The following DPYSL5 variants were observed in gnomAD, a reference collection of about 807,000 sequenced individuals.
DPYSL5 encodes the protein dihydropyrimidinase like 5.
Under a neutral mutation model 58.4 loss-of-function variants are expected in DPYSL5, and 9 were observed. The observed-to-expected ratio is 0.15, with a 90% CI of 0.09 to 0.27. The LOEUF is 0.27. Ranked by LOEUF, DPYSL5 falls within the 10% of genes least tolerant of loss-of-function variation. DPYSL5 has a pLI of 1.00. For synonymous variants in DPYSL5, 293 were observed against 301.9 expected, an observed-to-expected ratio of 0.97 and a Z score of 0.31; for missense variants, 499 against 770.6, an observed-to-expected ratio of 0.65 and a Z score of 4.17.
At position 26,940,939 on chromosome 2, in the gene DPYSL5, T is replaced by TA. The variant is rs1287242688; in HGVS notation, c.1089+767_1089+768insA. Among the ~76,000 whole-genome samples the TA allele has an allele frequency of 5.1e-3, 143 of 28,048 alleles. 2 individuals carry two copies. Among genetic ancestry groups the TA allele is most frequent in the South Asian group, 0.026 (17 of 658 alleles). The allele number at this position is 28,048 out of a possible 152,430, so 18.4% of individuals were successfully genotyped here. A position where few individuals can be genotyped will look rare whatever the true frequency, so the allele number is the denominator to read the frequency against. ...TGATTATTATTATTATTATTATTAT[T>TA]TATTTTTTTTTGTGTGTGATAGAAT... On this transcript the variant is annotated intron_variant, in intron 9 of 12. Transcript: ENST00000288699.
In DPYSL5 at chr2:26,944,928, C is replaced by T; in HGVS notation, c.1609+104C>T. On this transcript the variant is annotated intron_variant, in intron 12 of 12. Coordinates refer to ENST00000288699, the MANE Select transcript of DPYSL5 (RefSeq NM_020134.4). The surrounding 1 kb of genome is among the most constrained non-coding windows in gnomAD (Gnocchi z 4.4). Reference sequence around the variant, plus strand: ...TTTTCTTTTGTGTCCTCTCCTCCCTCCCGTTGCCTATTTCCAGGGATGAGT... The same window carrying T: ...TTTTCTTTTGTGTCCTCTCCTCCCTTCCGTTGCCTATTTCCAGGGATGAGT... 1 of 1,133,252 alleles carries T rather than the reference C, an allele frequency of 8.8e-7. No individual in the cohort carries two copies. The highest frequency in any genetic ancestry group is 1.3e-6 in the Non-Finnish European group (1 of 794,166). The allele number at this position is 1,133,252 out of a possible 1,614,324, so 70.2% of individuals were successfully genotyped here.
At position 26,898,118 on chromosome 2, in the gene DPYSL5, G is replaced by C. The variant is rs896794467; in HGVS notation, c.-4-378G>C. Among the ~76,000 whole-genome samples the C allele has an allele frequency of 2.0e-5, 3 of 152,138 alleles. No homozygotes were observed. The highest frequency in any genetic ancestry group is 7.2e-5 in the African/African-American group (3 of 41,418). On this transcript the variant is annotated intron_variant, in intron 1 of 12. Coordinates refer to ENST00000288699, the MANE Select transcript of DPYSL5 (RefSeq NM_020134.4). This position sits in a 1 kb window ranked among gnomAD's most constrained non-coding sequence, Gnocchi z 6.1. ...CTACTTGATAACCATAAATTCCTTA[G>C]CAATTTCAGCTTTCTCATCTGTAAA...
Position 26,944,975 on chromosome 2 carries a change from A to C in DPYSL5, c.1609+151A>C. On this transcript the variant is annotated intron_variant, in intron 12 of 12. Transcript: ENST00000288699. The surrounding 1 kb of genome is among the most constrained non-coding windows in gnomAD (Gnocchi z 4.4). ...GAGTGCTGGTTTGGATATTAGACTC[A>C]CATAGACATTAGTGGGGACAGGAGG... 17 of 768,410 alleles carry C rather than the reference A, an allele frequency of 2.2e-5. No homozygotes were observed. The highest frequency in any genetic ancestry group is 3.1e-5 in the Non-Finnish European group (15 of 487,104). 47.6% of individuals were successfully genotyped at this position (768,410 alleles called of 1,614,324 possible).
intron 1 of DPYSL5, among the ~76,000 whole-genome samples, chr2:26,884,520 T>TCTCACACA (rs35489206): frequency 0.053 from 7,776 of 145,522 alleles, 271 homozygotes; most frequent in African/African-American, 0.094. Context: ...TTGTCCTATC[T>TCTCACACA]CACACACACA....
intron 1 of DPYSL5, among the ~76,000 whole-genome samples, chr2:26,882,111 A>AAAAAAAAAAGAAAG (rs1308139468): frequency 1.3e-5 from 2 of 149,088 alleles, no homozygotes; most frequent in Non-Finnish European, 3.0e-5. Flanking sequence ...AAAAAAAAAA[A>AAAAAAAAAAGAAAG]AGAAAGAAAG....
chr2:26,912,004 A>G (rs1333777285), intron 2 of DPYSL5, among the ~76,000 whole-genome samples: 1 of 152,216 alleles, frequency 6.6e-6, no homozygotes, highest in Non-Finnish European at 1.5e-5. Flanking sequence ...ACAGACCCCG[A>G]GCTGGTGCGT....
At chr2:26,893,244 G>A (rs1663932788) in intron 1 of DPYSL5, among the ~76,000 whole-genome samples, 1 of 152,164 alleles carries the variant, frequency 6.6e-6, no homozygotes, top group South Asian at 2.1e-4. Context: ...CTTGTTTGTT[G>A]TTGAGATTCC....
chr2:26,870,166 A>G (rs1025944932), intron 1 of DPYSL5, among the ~76,000 whole-genome samples: 1 of 152,066 alleles, frequency 6.6e-6, no homozygotes, highest in Non-Finnish European at 1.5e-5. Context: ...ATAATGACTG[A>G]CTTTTGTGCT....
chr2:26,931,704 C>G lies in DPYSL5; in HGVS notation c.714+20C>G. 6.2e-7 allele frequency: 1 copy of G among 1,613,632 alleles called. No individual in the cohort carries two copies. The highest frequency in any genetic ancestry group is 1.1e-5 in the South Asian group (1 of 91,062). On this transcript the variant is annotated intron_variant, in intron 6 of 12. Coordinates refer to ENST00000288699, the MANE Select transcript of DPYSL5 (RefSeq NM_020134.4). Reference sequence around the variant, plus strand: ...AACAGGGTAAGTCCCCCGATGTCCACTGTGGGATTAGAAACCAACCTTGGC... The same window carrying G: ...AACAGGGTAAGTCCCCCGATGTCCAGTGTGGGATTAGAAACCAACCTTGGC...
chr2:26,866,855 C>G (rs1666156118), intron 1 of DPYSL5, among the ~76,000 whole-genome samples: 1 of 151,790 alleles, frequency 6.6e-6, no homozygotes, highest in Admixed American at 6.6e-5. Context: ...CCTCAGCCTC[C>G]TCAGTAGCTG....
At position 26,934,720 on chromosome 2, in the gene DPYSL5, G is replaced by A; in HGVS notation, c.933G>A (p.Met311Ile). 2 of 1,614,120 alleles carry A rather than the reference G, an allele frequency of 1.2e-6. No homozygotes were observed. Among genetic ancestry groups the A allele is most frequent in the Non-Finnish European group, 1.7e-6 (2 of 1,180,014 alleles). The change falls in exon 8 of 13, where the codon ATG becomes ATA. Residue 311 changes from methionine (M) to isoleucine (I), a missense_variant. By Grantham distance (10) the Met-to-Ile change is conservative. This residue lies in a region of DPYSL5 where 404 missense variants were observed against 647.6 expected (regional missense o/e 0.62). Coordinates refer to ENST00000288699, the MANE Select transcript of DPYSL5 (RefSeq NM_020134.4). The surrounding 1 kb of genome is among the most constrained non-coding windows in gnomAD (Gnocchi z 4.3). ...ACACCAACACCTCAACCTACCTCAT[G>A]AGCCTGCTGGCCAAGTAAGGCGTTT... Reference protein sequence around the residue: ...RLDTNTSTYLMSLLANDTLNI... With the variant: ...RLDTNTSTYLISLLANDTLNI...
intron 2 of DPYSL5, among the ~76,000 whole-genome samples, chr2:26,910,616 CTTT>C (rs34929540): frequency 7.0e-4 from 83 of 118,492 alleles, no homozygotes; most frequent in African/African-American, 2.5e-3. Flanking sequence ...TCTTCTTCTT[CTTT>C]TTTTTTTTTT....
intron 5 of DPYSL5, among the ~76,000 whole-genome samples, chr2:26,930,708 C>T (rs1028086067): frequency 2.0e-5 from 3 of 151,992 alleles, no homozygotes; most frequent in African/African-American, 7.2e-5. Flanking sequence ...GGCATGGTGG[C>T]TCACACCTGT....
chr2:26,939,268 G>A (rs1243539212), intron 8 of DPYSL5: 1 of 152,138 alleles, frequency 6.6e-6, no homozygotes, highest in Non-Finnish European at 1.5e-5. Context: ...CTCCAGAGTA[G>A]CTGGGATTAC....
rs556342352 is a variant in DPYSL5 at position 26,934,012 on chromosome 2, C to G, written c.791-566C>G. Among the ~76,000 whole-genome samples, 28 of 152,232 alleles carry G rather than the reference C, an allele frequency of 1.8e-4. No individual in the cohort carries two copies. The South Asian group carries it at 5.6e-3, about 30-fold the overall frequency. ...AGCAAGGGCATCCTGGCCTTCAACT[C>G]TATCGCCCTCTAGATCCCGCCACCT... On this transcript the variant is annotated intron_variant, in intron 7 of 12. Coordinates refer to ENST00000288699, the MANE Select transcript of DPYSL5 (RefSeq NM_020134.4). The surrounding 1 kb of genome is among the most constrained non-coding windows in gnomAD (Gnocchi z 4.3).
chr2:26,923,683 A>G (rs914913858), intron 2 of DPYSL5, among the ~76,000 whole-genome samples: 1 of 152,126 alleles, frequency 6.6e-6, no homozygotes, highest in Non-Finnish European at 1.5e-5. Context: ...TTATTTTGAG[A>G]CAGTTTCACC....
At chr2:26,916,844 C>G (rs1425742028) in intron 2 of DPYSL5, among the ~76,000 whole-genome samples, 1 of 152,188 alleles carries the variant, frequency 6.6e-6, no homozygotes, top group Non-Finnish European at 1.5e-5. Flanking sequence ...TTCTCCTTTC[C>G]TGTTTCCCAG....
chr2:26,874,460 G>C (rs1055960344), intron 1 of DPYSL5, among the ~76,000 whole-genome samples: 5 of 152,020 alleles, frequency 3.3e-5, no homozygotes, highest in African/African-American at 9.7e-5. Context: ...AGCATCATTT[G>C]TTGAAAGACT....
intron 9 of DPYSL5, among the ~76,000 whole-genome samples, chr2:26,940,750 T>C (rs1665296757): frequency 6.6e-6 from 1 of 151,914 alleles, no homozygotes; most frequent in Admixed American, 6.5e-5. Context: ...AAAAATTCTT[T>C]AAAAACATCT....
Sources: gnomAD v4.1 joint callset for allele counts (sites outside exome capture counted in the v4.1 genomes callset) on GRCh38, gnomAD v4.1.1 for gene constraint, gnomAD v4.1.1 regional missense constraint, Gnocchi (gnomAD v3.1) non-coding constraint, MANE v1.5 for transcripts, NCBI Gene and HGNC (gene_info 2026-07-23, HGNC 2026-07-21) for gene names.